SPATA12: variants seen among roughly 807,000 people sequenced by gnomAD.
SPATA12 encodes spermatogenesis associated 12.
For synonymous variants in SPATA12, 85 were observed against 89.2 expected (o/e 0.95, Z 0.26); for missense variants, 219 against 226.4 (o/e 0.97, Z 0.21).
At chr3:57,067,671 CA>C (rs1705628726) in intron 1 of SPATA12, among the ~76,000 whole-genome samples, 1 of 150,250 alleles carries the variant, frequency 6.7e-6, no homozygotes, top group Admixed American at 6.6e-5. Context: ...CCAGTCTCTA[CA>C]AAAAATTTAA....
At chr3:57,065,069 G>A (rs545950308) in intron 1 of SPATA12, among the ~76,000 whole-genome samples, 2 of 152,244 alleles carry the variant, frequency 1.3e-5, no homozygotes, top group Non-Finnish European at 2.9e-5. Context: ...AGGGTGGAGA[G>A]AGGGTTCTGC....
chr3:57,073,681 T>C lies in SPATA12; in HGVS notation c.-14T>C, dbSNP rs890772798. On this transcript the variant is annotated 5_prime_UTR_variant, in exon 2 of 2. Coordinates refer to ENST00000334325, the MANE Select transcript of SPATA12 (RefSeq NM_181727.2). ...CCTCCTTTTCTGGAGAATTCTGTTTTTGACTTGGGCCCCATGTCCAGTTCT... is the reference window on the plus strand; with the variant it reads ...CCTCCTTTTCTGGAGAATTCTGTTTCTGACTTGGGCCCCATGTCCAGTTCT... The C allele has an allele frequency of 1.9e-6, 3 of 1,600,496 alleles. No homozygotes were observed. Among genetic ancestry groups the C allele is most frequent in the Non-Finnish European group, 1.7e-6 (2 of 1,173,412 alleles).
intron 1 of SPATA12, among the ~76,000 whole-genome samples, chr3:57,070,012 T>G: frequency 6.6e-6 from 1 of 152,186 alleles, no homozygotes; most frequent in East Asian, 1.9e-4. Flanking sequence ...AACTATGATG[T>G]GAGTGAATTG....
At chr3:57,062,085 G>C (rs1431234236) in intron 1 of SPATA12, among the ~76,000 whole-genome samples, 1 of 152,120 alleles carries the variant, frequency 6.6e-6, no homozygotes, top group African/African-American at 2.4e-5. Context: ...GATTGGATCT[G>C]TCTAGACTCA....
At chr3:57,069,276 C>T (rs1200051132) in intron 1 of SPATA12, among the ~76,000 whole-genome samples, 1 of 152,062 alleles carries the variant, frequency 6.6e-6, no homozygotes, top group East Asian at 1.9e-4. Flanking sequence ...GTAAGTTTCT[C>T]TTCTCCCAGA....
chr3:57,072,318 T>C (rs9681482), intron 1 of SPATA12, among the ~76,000 whole-genome samples: 6,069 of 151,996 alleles, frequency 0.04, 399 homozygotes, highest in African/African-American at 0.14. Context: ...TATTCTTCCC[T>C]GAGGAATGGA....
chr3:57,073,528 T>C lies in SPATA12; in HGVS notation c.-167T>C. 8.5e-7 allele frequency: 1 copy of C among 1,175,988 alleles called. No individual in the cohort carries two copies. Among genetic ancestry groups the C allele is most frequent in the Non-Finnish European group, 1.2e-6 (1 of 867,252 alleles). 72.8% of individuals were successfully genotyped at this position (1,175,988 alleles called of 1,614,324 possible). On this transcript the variant is annotated 5_prime_UTR_variant, in exon 2 of 2. Transcript: ENST00000334325. The stretch of plus-strand genomic sequence containing the variant: ...TATCTGGGTGACTGTGGGGTTTGGC[T>C]CTGTTTGAGCACCCCGGGATGATTG...
chr3:57,073,046 AAAAT>A (rs1429715264), intron 1 of SPATA12, among the ~76,000 whole-genome samples: 1 of 152,146 alleles, frequency 6.6e-6, no homozygotes, highest in African/African-American at 2.4e-5. Flanking sequence ...ACTCTGTCTC[AAAAT>A]AAATAAATAA....
intron 1 of SPATA12, among the ~76,000 whole-genome samples, chr3:57,067,454 AAATAAT>A (rs10528636): frequency 0.017 from 2,330 of 140,404 alleles, 70 homozygotes; most frequent in African/African-American, 0.055. Context: ...CTCTGTCTCA[AAATAAT>A]AATAATAATA....
intron 1 of SPATA12, among the ~76,000 whole-genome samples, chr3:57,070,083 CT>C (rs1469452022): frequency 1.3e-5 from 2 of 152,222 alleles, no homozygotes; most frequent in Admixed American, 6.5e-5. Context: ...AATTGTACCC[CT>C]TTGCCCAACA....
intron 1 of SPATA12, among the ~76,000 whole-genome samples, chr3:57,064,894 C>G (rs963453499): frequency 1.3e-5 from 2 of 152,130 alleles, no homozygotes; most frequent in Non-Finnish European, 2.9e-5. Context: ...CACTACTGAC[C>G]TGAAAACTTA....
intron 1 of SPATA12, among the ~76,000 whole-genome samples, chr3:57,069,376 A>ACAC (rs1705749598): frequency 2.7e-5 from 4 of 146,356 alleles, no homozygotes; most frequent in Non-Finnish European, 3.0e-5. Flanking sequence ...CTGTCTCTCA[A>ACAC]ACACACACAC....
intron 1 of SPATA12, among the ~76,000 whole-genome samples, chr3:57,069,684 C>T (rs7373670): frequency 0.22 from 33,250 of 151,910 alleles, 4,182 homozygotes; most frequent in East Asian, 0.48. Context: ...CTTGCTCTGT[C>T]GCCAAGCTGG....
At chr3:57,072,267 T>C (rs963799455) in intron 1 of SPATA12, among the ~76,000 whole-genome samples, 2 of 152,174 alleles carry the variant, frequency 1.3e-5, no homozygotes, top group Non-Finnish European at 2.9e-5. Flanking sequence ...GCTAGATATA[T>C]ATTCAAGAGA....
At chr3:57,061,352 C>G (rs1705214570) in intron 1 of SPATA12, among the ~76,000 whole-genome samples, 1 of 152,076 alleles carries the variant, frequency 6.6e-6, no homozygotes, top group Admixed American at 6.6e-5. Flanking sequence ...GGCAGGAGTA[C>G]AGTGGCACGA....
intron 1 of SPATA12, among the ~76,000 whole-genome samples, chr3:57,071,782 C>G (rs1378964055): frequency 6.6e-6 from 1 of 151,914 alleles, no homozygotes; most frequent in Non-Finnish European, 1.5e-5. Context: ...TTGAACTTCA[C>G]CAAAATTAAA....
intron 1 of SPATA12, among the ~76,000 whole-genome samples, chr3:57,070,369 C>CT (rs1705817769): frequency 6.6e-6 from 1 of 151,756 alleles, no homozygotes; most frequent in East Asian, 1.9e-4. Flanking sequence ...TACTGTGTTA[C>CT]TTTCTTCAAA....
At chr3:57,069,376 A>AACACACACACACACACACAC (rs147675971) in intron 1 of SPATA12, among the ~76,000 whole-genome samples, 5 of 146,362 alleles carry the variant, frequency 3.4e-5, no homozygotes, top group African/African-American at 1.3e-4. Context: ...CTGTCTCTCA[A>AACACACACACACACACACAC]ACACACACAC....
intron 1 of SPATA12, among the ~76,000 whole-genome samples, chr3:57,062,366 A>G (rs1440944746): frequency 6.6e-6 from 1 of 152,144 alleles, no homozygotes; most frequent in Non-Finnish European, 1.5e-5. Flanking sequence ...CAGACCGGCT[A>G]CCACAGCCGA....
Sources: allele counts gnomAD v4.1 joint callset (sites outside exome capture counted in the v4.1 genomes callset), GRCh38; gene constraint gnomAD v4.1.1; transcripts MANE v1.5; gene names NCBI Gene and HGNC (gene_info 2026-07-23, HGNC 2026-07-21).